The following NXN variants were observed in gnomAD, a reference collection of about 807,000 sequenced individuals.
NXN encodes nucleoredoxin.
Under a neutral mutation model 48.6 loss-of-function variants are expected in NXN, and 16 were observed. That is an observed-to-expected ratio of 0.33 (90% CI 0.22 to 0.50). NXN has a LOEUF of 0.50. NXN is among the 20% of genes least tolerant of loss of function. The pLI is 0.98. For missense variants in NXN, 492 were observed against 605.5 expected (o/e 0.81, Z 1.97); for synonymous variants, 281 against 269.6 (o/e 1.04, Z -0.41).
intron 1 of NXN, among the ~76,000 whole-genome samples, chr17:890,251 C>T (rs2068401486): frequency 6.6e-6 from 1 of 152,156 alleles, no homozygotes; most frequent in African/African-American, 2.4e-5. Flanking sequence ...CATCACAAAG[C>T]ACCAGCAGGT....
intron 1 of NXN, chr17:896,855 C>CCGGGGGGG: frequency 2.7e-6 from 3 of 1,101,998 alleles, no homozygotes; most frequent in Non-Finnish European, 2.4e-6. Context: ...GCGGTCCTGA[C>CCGGGGGGG]CACCCGCCCC....
At chr17:923,980 A>T (rs1246914351) in intron 1 of NXN, among the ~76,000 whole-genome samples, 1 of 152,248 alleles carries the variant, frequency 6.6e-6, no homozygotes, top group Non-Finnish European at 1.5e-5. Flanking sequence ...GAAAGGAAAG[A>T]TATACAAATA....
chr17:832,846 C>T (rs772352357), intron 1 of NXN, among the ~76,000 whole-genome samples: 29 of 152,174 alleles, frequency 1.9e-4, no homozygotes, highest in Middle Eastern at 3.4e-3. Context: ...TAAAGGCCCA[C>T]GCTGGGTTAG....
chr17:945,328 C>T (rs527835378), intron 1 of NXN, among the ~76,000 whole-genome samples: 3 of 152,062 alleles, frequency 2.0e-5, no homozygotes, highest in South Asian at 4.2e-4. Flanking sequence ...GTGATCCACT[C>T]GCCTCGGCGT....
chr17:923,269 C>A (rs2068766297), intron 1 of NXN, among the ~76,000 whole-genome samples: 1 of 152,142 alleles, frequency 6.6e-6, no homozygotes. Flanking sequence ...TTACATCCAC[C>A]TGGGTGCCAC....
intron 1 of NXN, among the ~76,000 whole-genome samples, chr17:872,613 C>CTTT (rs34081114): frequency 0.092 from 6,963 of 75,396 alleles, 522 homozygotes; most frequent in Middle Eastern, 0.16. Context: ...CGGGTGAGAT[C>CTTT]TTTTTTTTTT....
intron 1 of NXN, among the ~76,000 whole-genome samples, chr17:968,088 G>A (rs1008509267): frequency 6.6e-6 from 1 of 150,672 alleles, no homozygotes; most frequent in African/African-American, 2.4e-5. Flanking sequence ...GTTTTTTAAG[G>A]GTTACTTAGT....
chr17:819,634 G>T, intron 4 of NXN, 89 bp from the exon 5 acceptor site: 1 of 931,442 alleles, frequency 1.1e-6, no homozygotes, highest in East Asian at 2.5e-5. Flanking sequence ...TCTGCCCAGG[G>T]ATTCTGCAGA....
At chr17:855,899 G>A (rs1049171900) in intron 1 of NXN, among the ~76,000 whole-genome samples, 3 of 152,048 alleles carry the variant, frequency 2.0e-5, no homozygotes, top group Admixed American at 6.6e-5. Context: ...ATGAAGATAA[G>A]AGGGTCCAAT....
intron 1 of NXN, among the ~76,000 whole-genome samples, chr17:885,835 C>T (rs1376286323): frequency 9.0e-5 from 13 of 143,676 alleles, no homozygotes; most frequent in African/African-American, 2.5e-4. Context: ...CGCCCGCCAC[C>T]ACGCCCGGCT....
chr17:812,671 TGA>T (rs1385751348), intron 5 of NXN, among the ~76,000 whole-genome samples: 117 of 149,324 alleles, frequency 7.8e-4, no homozygotes, highest in African/African-American at 2.1e-3. Context: ...TAGGTGTGTG[TGA>T]GTGTAGGTGT....
chr17:954,154 G>A (rs1433547957), intron 1 of NXN, among the ~76,000 whole-genome samples: 1 of 152,132 alleles, frequency 6.6e-6, no homozygotes, highest in African/African-American at 2.4e-5. Flanking sequence ...GAGGTGGGCG[G>A]ATCACCTGAG....
intron 7 of NXN, 107 bp downstream of exon 7, chr17:803,575 C>T (rs1911319726): frequency 2.8e-6 from 4 of 1,404,848 alleles, no homozygotes; most frequent in African/African-American, 1.4e-5. Flanking sequence ...GAAGCACAGG[C>T]AGCCCTGACC....
At chr17:904,405 G>A (rs1567856489) in intron 1 of NXN, among the ~76,000 whole-genome samples, 1 of 150,506 alleles carries the variant, frequency 6.6e-6, no homozygotes, top group African/African-American at 2.5e-5. Flanking sequence ...TAAAACAAGA[G>A]CCTTTCCCAG....
At chr17:914,270 G>A (rs12938442) in intron 1 of NXN, among the ~76,000 whole-genome samples, 9 of 30,130 alleles carry the variant, frequency 3.0e-4, no homozygotes, top group African/African-American at 5.4e-4. Context: ...CCTGACCTCA[G>A]GTGACTCGCC....
At chr17:811,891 A>G (rs1382339623) in intron 5 of NXN, among the ~76,000 whole-genome samples, 1 of 132,460 alleles carries the variant, frequency 7.5e-6, no homozygotes, top group East Asian at 2.2e-4. Context: ...TGCTTATAGG[A>G]CTCCGGGTTG....
At position 972,165 on chromosome 17, in the gene NXN, T is replaced by C. The variant is rs2069390470; in HGVS notation, c.360+7154A>G. On this transcript the variant is annotated intron_variant, in intron 1 of 7. Transcript: ENST00000336868. ...AAAATACAAAATTAGCCGGGCGTGG[T>C]GGCACATGCGCCTATAATCCCAGCT... Among the ~76,000 whole-genome samples, 4 of 152,200 alleles carry C rather than the reference T, an allele frequency of 2.6e-5. No individual in the cohort carries two copies. The South Asian group carries it at 8.3e-4, about 32-fold the overall frequency.
At chr17:871,890 C>G (rs2068158777) in intron 1 of NXN, among the ~76,000 whole-genome samples, 1 of 151,628 alleles carries the variant, frequency 6.6e-6, no homozygotes, top group Non-Finnish European at 1.5e-5. Context: ...GTGCTATTTG[C>G]TTTATTTCCT....
chr17:837,918 G>A (rs1241036393), intron 1 of NXN, among the ~76,000 whole-genome samples: 1 of 152,136 alleles, frequency 6.6e-6, no homozygotes, highest in Non-Finnish European at 1.5e-5. Context: ...ATGCCCCAAG[G>A]ATGGCAAGAG....
Sources: gnomAD v4.1 joint callset for allele counts (sites outside exome capture counted in the v4.1 genomes callset) on GRCh38, gnomAD v4.1.1 for gene constraint, MANE v1.5 for transcripts, NCBI Gene and HGNC (gene_info 2026-07-23, HGNC 2026-07-21) for gene names.